CELF2: variants seen among roughly 807,000 people sequenced by gnomAD.
The protein encoded by CELF2 is CUG triplet repeat RNA-binding protein 2.
Under a neutral mutation model 62.6 loss-of-function variants are expected in CELF2, and 8 were observed. The ratio of observed to expected loss-of-function variants is 0.13; its 90% confidence interval spans 0.07 to 0.23. The LOEUF (loss-of-function observed/expected upper bound fraction) is 0.23, where lower values mean the gene tolerates loss of function less well. Among genes scored for constraint, CELF2 ranks in the 10% least tolerant of loss-of-function variants. CELF2 has a pLI of 1.00. For missense variants in CELF2, 333 were observed against 671.0 expected (o/e 0.50, Z 5.56); for synonymous variants, 258 against 250.0 (o/e 1.03, Z -0.30).
the CELF2 span, among the ~76,000 whole-genome samples, chr10:10,631,376 C>T: frequency 6.6e-6 from 1 of 152,154 alleles, no homozygotes; most frequent in Non-Finnish European, 1.5e-5. Flanking sequence ...TTGGAACTAA[C>T]CTTCCGTCTC....
At chr10:10,814,996 G>A (rs926675584) in intron 1 of CELF2, among the ~76,000 whole-genome samples, 2 of 152,120 alleles carry the variant, frequency 1.3e-5, no homozygotes, top group Non-Finnish European at 1.5e-5. Context: ...ACAATCAATT[G>A]CCCTTCAATT....
At chr10:10,670,107 G>A in the CELF2 span, among the ~76,000 whole-genome samples, 1 of 151,998 alleles carries the variant, frequency 6.6e-6, no homozygotes, top group Admixed American at 6.6e-5. Context: ...TTGCCATGTT[G>A]GTCTGGCTGG....
At chr10:11,148,148 A>G (rs1224263780) in intron 1 of CELF2, among the ~76,000 whole-genome samples, 1 of 152,226 alleles carries the variant, frequency 6.6e-6, no homozygotes, top group Non-Finnish European at 1.5e-5. Context: ...AAATGTGTGC[A>G]TTAAGTTTCC....
intron 1 of CELF2, among the ~76,000 whole-genome samples, chr10:10,889,137 A>G (rs2133862655): frequency 6.6e-6 from 1 of 152,324 alleles, no homozygotes; most frequent in East Asian, 1.9e-4. Context: ...GTGAAACTTA[A>G]AATCCTCTAA....
At chr10:10,838,776 A>G (rs1483743388) in intron 1 of CELF2, among the ~76,000 whole-genome samples, 1 of 152,024 alleles carries the variant, frequency 6.6e-6, no homozygotes, top group African/African-American at 2.4e-5. Flanking sequence ...AAGATATTTT[A>G]TGTACATCTT....
the CELF2 span, among the ~76,000 whole-genome samples, chr10:10,521,504 T>G: frequency 6.6e-6 from 1 of 152,224 alleles, no homozygotes; most frequent in African/African-American, 2.4e-5. Flanking sequence ...CCCTCCTCCA[T>G]GTCATGCACT....
the CELF2 span, among the ~76,000 whole-genome samples, chr10:10,558,299 T>G: frequency 3.0e-3 from 453 of 151,754 alleles, no homozygotes; most frequent in African/African-American, 9.4e-3. Context: ...TAATCATGTG[T>G]TTTTTGTCTT....
chr10:10,858,989 A>G (rs1327501004), intron 1 of CELF2, among the ~76,000 whole-genome samples: 1 of 152,178 alleles, frequency 6.6e-6, no homozygotes, highest in Non-Finnish European at 1.5e-5. Context: ...CAAGTGGTTC[A>G]ACAACTAGCA....
chr10:11,154,624 G>C (rs549698480), intron 1 of CELF2, among the ~76,000 whole-genome samples: 9 of 152,300 alleles, frequency 5.9e-5, no homozygotes, highest in African/African-American at 1.7e-4. Context: ...CTTTTGTTGT[G>C]TCCAGACAGG....
chr10:11,113,918 G>C (rs893440743), intron 1 of CELF2, among the ~76,000 whole-genome samples: 2 of 152,206 alleles, frequency 1.3e-5, no homozygotes, highest in East Asian at 3.8e-4. Flanking sequence ...AGCCTCTGCT[G>C]TCAGAAAATG....
At chr10:11,169,126 T>G (rs1203704101) in intron 2 of CELF2, 2 of 152,202 alleles carry the variant, frequency 1.3e-5, no homozygotes, top group African/African-American at 2.4e-5. Flanking sequence ...TGCTGTGTGA[T>G]GAGGTGATGT....
the CELF2 span, among the ~76,000 whole-genome samples, chr10:10,671,062 G>A: frequency 9.9e-5 from 15 of 151,818 alleles, no homozygotes; most frequent in African/African-American, 2.9e-4. Flanking sequence ...AGTCACTTGC[G>A]GGGTGAGGTG....
intron 1 of CELF2, among the ~76,000 whole-genome samples, chr10:10,883,156 A>C (rs566829480): frequency 7.2e-5 from 11 of 152,254 alleles, no homozygotes; most frequent in Non-Finnish European, 1.6e-4. Flanking sequence ...AGACCCATGT[A>C]TATCCATTTT....
chr10:10,541,471 T>C, the CELF2 span, among the ~76,000 whole-genome samples: 1 of 152,120 alleles, frequency 6.6e-6, no homozygotes, highest in African/African-American at 2.4e-5. Flanking sequence ...CCCCAAGGGC[T>C]CTTGGTTCGC....
At chr10:10,527,347 A>G in the CELF2 span, among the ~76,000 whole-genome samples, 2 of 151,650 alleles carry the variant, frequency 1.3e-5, no homozygotes, top group East Asian at 3.9e-4. Context: ...CAGGAGGCTG[A>G]GGCAGGAGAA....
chr10:10,742,410 C>T, the CELF2 span, among the ~76,000 whole-genome samples: 2 of 152,022 alleles, frequency 1.3e-5, no homozygotes, highest in Admixed American at 1.3e-4. Context: ...GGACAGACTG[C>T]TTGAGCTCAG....
chr10:11,174,144 A>G (rs1231197383), intron 2 of CELF2, among the ~76,000 whole-genome samples: 4 of 152,170 alleles, frequency 2.6e-5, no homozygotes, highest in Admixed American at 2.0e-4. Context: ...ATGTTTCTAC[A>G]TTTGCCTTGA....
chr10:10,622,290 G>C, the CELF2 span, among the ~76,000 whole-genome samples: 1 of 152,170 alleles, frequency 6.6e-6, no homozygotes, highest in Non-Finnish European at 1.5e-5. Context: ...TTCATCACCT[G>C]CAAGGGTAGA....
intron 1 of CELF2, among the ~76,000 whole-genome samples, chr10:11,147,039 T>G (rs1438998451): frequency 6.6e-6 from 1 of 152,224 alleles, no homozygotes; most frequent in African/African-American, 2.4e-5. Context: ...ATGAGATCAG[T>G]GCCTGAACTA....
Sources: allele counts gnomAD v4.1 joint callset (sites outside exome capture counted in the v4.1 genomes callset), GRCh38; gene constraint gnomAD v4.1.1; transcripts MANE v1.5; gene names NCBI Gene and HGNC (gene_info 2026-07-23, HGNC 2026-07-21).